Variants in EXOC6 observed in about 807,000 individuals in gnomAD.
EXOC6 encodes the protein exocyst complex component 6.
Under a neutral mutation model 112.5 loss-of-function variants are expected in EXOC6, and 60 were observed. That is an observed-to-expected ratio of 0.53 (90% CI 0.43 to 0.66). The LOEUF (loss-of-function observed/expected upper bound fraction) is 0.66, where lower values mean the gene tolerates loss of function less well. Ranked by LOEUF, EXOC6 falls within the 30% of genes least tolerant of loss-of-function variation. The pLI, the probability that EXOC6 is intolerant of heterozygous loss-of-function variation, is 0.00. For synonymous variants in EXOC6, 295 were observed against 308.0 expected (o/e 0.96, Z 0.44); for missense variants, 855 against 957.1 (o/e 0.89, Z 1.41).
chr10:92,858,331 A>T (rs540215725), intron 1 of EXOC6, among the ~76,000 whole-genome samples: 1 of 152,108 alleles, frequency 6.6e-6, no homozygotes, highest in Non-Finnish European at 1.5e-5. Flanking sequence ...TCTCTTCTCT[A>T]CTTTGGTGCT....
At chr10:92,920,919 G>A (rs1431321356) in intron 8 of EXOC6, among the ~76,000 whole-genome samples, 1 of 152,074 alleles carries the variant, frequency 6.6e-6, no homozygotes, top group African/African-American at 2.4e-5. Context: ...TTTCTTCTGA[G>A]CACTATTGGC....
chr10:92,846,822 G>A (rs1847069466), upstream of EXOC6, among the ~76,000 whole-genome samples: 1 of 152,186 alleles, frequency 6.6e-6, no homozygotes, highest in South Asian at 2.1e-4. Context: ...ATGTGATTAA[G>A]GTTAAGGACC....
chr10:93,053,508 G>C (rs1339565298), intron 20 of EXOC6, among the ~76,000 whole-genome samples: 1 of 152,190 alleles, frequency 6.6e-6, no homozygotes, highest in Non-Finnish European at 1.5e-5. Context: ...ACCCAATGCT[G>C]TATCATGATG....
At chr10:92,930,077 T>G (rs994188976) in intron 9 of EXOC6, among the ~76,000 whole-genome samples, 2 of 152,218 alleles carry the variant, frequency 1.3e-5, no homozygotes. Context: ...CTGAAAACTA[T>G]TATCAGCTGT....
intron 6 of EXOC6, among the ~76,000 whole-genome samples, chr10:92,913,760 T>G (rs1056468110): frequency 5.9e-5 from 9 of 152,214 alleles, no homozygotes; most frequent in Non-Finnish European, 1.3e-4. Flanking sequence ...GTGAATTTTT[T>G]AAGTGGAGGA....
intron 20 of EXOC6, among the ~76,000 whole-genome samples, chr10:93,042,210 A>G (rs1845811012): frequency 6.6e-6 from 1 of 152,072 alleles, no homozygotes; most frequent in African/African-American, 2.4e-5. Flanking sequence ...CTTTCCTCAC[A>G]CTGTTCCATC....
At chr10:92,998,628 CCACACACACACACACA>C (rs55823754) in intron 19 of EXOC6, among the ~76,000 whole-genome samples, 3 of 141,346 alleles carry the variant, frequency 2.1e-5, no homozygotes, top group Admixed American at 7.2e-5. Flanking sequence ...CTGTTGCACA[CCACACACACACACACA>C]CACACACACA....
At chr10:92,991,096 T>C (rs1043439470) in intron 18 of EXOC6, among the ~76,000 whole-genome samples, 2 of 151,346 alleles carry the variant, frequency 1.3e-5, no homozygotes, top group Non-Finnish European at 2.9e-5. Context: ...AAACCACTTC[T>C]GTTGTCTAAA....
chr10:92,986,278 T>C (rs1843003928), intron 18 of EXOC6, among the ~76,000 whole-genome samples: 1 of 152,172 alleles, frequency 6.6e-6, no homozygotes, highest in Non-Finnish European at 1.5e-5. Flanking sequence ...GATTAAAGAA[T>C]GTGGAAAATA....
Position 92,920,152 on chromosome 10 carries a change from A to T in EXOC6, c.888+102A>T, listed in dbSNP as rs78605384. 6.0e-6 allele frequency: 4 copies of T among 667,332 alleles called. No individual in the cohort carries two copies. In the South Asian group the frequency reaches 1.1e-4, roughly 19 times the overall value. 41.3% of individuals were successfully genotyped at this position (667,332 alleles called of 1,614,324 possible). The stretch of plus-strand genomic sequence containing the variant: ...TTGATCATATGCTGTAAATCTTCAC[A>T]TAATTCTTTGTGAAATATCCACTCT... On this transcript the variant is annotated intron_variant, in intron 8 of 21. Transcript: ENST00000260762.
intron 18 of EXOC6, among the ~76,000 whole-genome samples, chr10:92,995,726 G>T (rs777975540): frequency 6.6e-6 from 1 of 152,116 alleles, no homozygotes; most frequent in Non-Finnish European, 1.5e-5. Flanking sequence ...CTTGGATCAT[G>T]CTGGGTTTTG....
At chr10:93,012,854 T>C (rs777602737) in intron 19 of EXOC6, among the ~76,000 whole-genome samples, 36 of 151,654 alleles carry the variant, frequency 2.4e-4, no homozygotes, top group Non-Finnish European at 2.5e-4. Flanking sequence ...CACATAGCAA[T>C]ACCCTATCTC....
intron 4 of EXOC6, among the ~76,000 whole-genome samples, chr10:92,897,346 A>G (rs758687088): frequency 6.6e-6 from 1 of 152,142 alleles, no homozygotes; most frequent in Non-Finnish European, 1.5e-5. Flanking sequence ...CTGTCCTACT[A>G]TCCACTTATA....
At chr10:92,880,949 A>G (rs1474482837) in intron 1 of EXOC6, among the ~76,000 whole-genome samples, 2 of 152,220 alleles carry the variant, frequency 1.3e-5, no homozygotes, top group Non-Finnish European at 2.9e-5. Flanking sequence ...TGTATTCTAC[A>G]TGAAAACTTT....
intron 10 of EXOC6, 42 bp from the exon 11 acceptor site, chr10:92,934,268 G>T (rs377685292): frequency 1.4e-5 from 17 of 1,175,522 alleles, no homozygotes; most frequent in East Asian, 6.2e-5. Context: ...TTCTATTAGG[G>T]TTTTTTTTTT....
At chr10:92,848,871 G>A (rs1847179327) in intron 1 of EXOC6, among the ~76,000 whole-genome samples, 1 of 152,094 alleles carries the variant, frequency 6.6e-6, no homozygotes, top group Admixed American at 6.5e-5. Flanking sequence ...TCACCCCGCA[G>A]CCGGTGGGTG....
intron 13 of EXOC6, among the ~76,000 whole-genome samples, chr10:92,946,725 C>T (rs1305192531): frequency 1.3e-5 from 2 of 152,188 alleles, no homozygotes; most frequent in Non-Finnish European, 2.9e-5. Flanking sequence ...TACACCCCCC[C>T]ACACACTAAC....
At chr10:93,030,392 A>G (rs1445732737) in intron 20 of EXOC6, among the ~76,000 whole-genome samples, 1 of 152,224 alleles carries the variant, frequency 6.6e-6, no homozygotes, top group Non-Finnish European at 1.5e-5. Context: ...TTCAAAAATA[A>G]TTTGAACTTC....
chr10:92,907,075 T>C (rs1328222583), intron 5 of EXOC6, among the ~76,000 whole-genome samples: 1 of 152,184 alleles, frequency 6.6e-6, no homozygotes, highest in Non-Finnish European at 1.5e-5. Flanking sequence ...AAACTTTCTA[T>C]ATATCTTCAC....
Sources: allele counts gnomAD v4.1 joint callset (sites outside exome capture counted in the v4.1 genomes callset), GRCh38; gene constraint gnomAD v4.1.1; transcripts MANE v1.5; gene names NCBI Gene and HGNC (gene_info 2026-07-23, HGNC 2026-07-21).